SYT9: variants seen among roughly 807,000 people sequenced by gnomAD.
SYT9 encodes synaptotagmin-9.
A neutral mutation model predicts 48.4 loss-of-function variants in SYT9; 22 were observed. That is an observed-to-expected ratio of 0.45 (90% CI 0.32 to 0.65). The LOEUF is 0.65. Among genes scored for constraint, SYT9 ranks in the 30% least tolerant of loss-of-function variants. The probability of loss-of-function intolerance (pLI) is 0.03; values close to 1 mark genes in which losing one functional copy is unlikely to be tolerated. For synonymous variants in SYT9, 265 were observed against 245.0 expected (o/e 1.08, Z -0.76); for missense variants, 577 against 622.0 (o/e 0.93, Z 0.77).
At chr11:7,274,223 A>C (rs1469908445) in intron 1 of SYT9, among the ~76,000 whole-genome samples, 3 of 152,040 alleles carry the variant, frequency 2.0e-5, no homozygotes, top group African/African-American at 7.2e-5. Flanking sequence ...CCCCCTCATT[A>C]AGGCATTTCA....
At chr11:7,312,029 A>G (rs1849144333) in intron 2 of SYT9, among the ~76,000 whole-genome samples, 1 of 151,976 alleles carries the variant, frequency 6.6e-6, no homozygotes, top group Non-Finnish European at 1.5e-5. Context: ...CTCTCAGATC[A>G]CAAAGTTTTT....
At chr11:7,243,238 T>C (rs59700737) in intron 1 of SYT9, among the ~76,000 whole-genome samples, 2,922 of 152,290 alleles carry the variant, frequency 0.019, 78 homozygotes, top group African/African-American at 0.066. Flanking sequence ...AGCTTAAATA[T>C]GGAAATTAAG....
intron 1 of SYT9, among the ~76,000 whole-genome samples, chr11:7,276,936 C>G (rs546673713): frequency 1.3e-5 from 2 of 151,994 alleles, no homozygotes; most frequent in South Asian, 4.2e-4. Flanking sequence ...CGCCTGTAAT[C>G]CCAGCTACTC....
chr11:7,253,956 C>T (rs1375992452), intron 1 of SYT9, among the ~76,000 whole-genome samples: 2 of 152,324 alleles, frequency 1.3e-5, no homozygotes, highest in Admixed American at 6.5e-5. Context: ...TGTTATCCCA[C>T]ATAAGCAGTT....
intron 1 of SYT9, chr11:7,239,033 T>G: frequency 4.7e-6 from 2 of 426,242 alleles, no homozygotes; most frequent in Non-Finnish European, 9.5e-6. Context: ...TGACAGAACA[T>G]GGATATTGTT....
At chr11:7,389,912 G>C (rs1850731151) in intron 3 of SYT9, among the ~76,000 whole-genome samples, 2 of 152,092 alleles carry the variant, frequency 1.3e-5, no homozygotes, top group Non-Finnish European at 2.9e-5. Context: ...GATGTAAAAT[G>C]ATTCTGAAAT....
At chr11:7,364,660 G>A (rs1001150745) in intron 3 of SYT9, among the ~76,000 whole-genome samples, 2 of 152,204 alleles carry the variant, frequency 1.3e-5, no homozygotes, top group Admixed American at 6.5e-5. Flanking sequence ...TGGCTAGTTG[G>A]AAATTCTCTG....
chr11:7,344,191 C>T (rs1849760564), intron 3 of SYT9, among the ~76,000 whole-genome samples: 1 of 152,116 alleles, frequency 6.6e-6, no homozygotes, highest in Non-Finnish European at 1.5e-5. Flanking sequence ...TAATTTCCAC[C>T]AGGAGGAGGC....
chr11:7,335,506 C>T (rs1213116439), intron 3 of SYT9, among the ~76,000 whole-genome samples: 2 of 152,060 alleles, frequency 1.3e-5, no homozygotes, highest in Admixed American at 6.6e-5. Context: ...TTGCTGTTCC[C>T]CTCTTTGTGT....
Position 7,252,751 on chromosome 11 carries a change from G to C in SYT9, c.145+420G>C, listed in dbSNP as rs1354922. Among the ~76,000 whole-genome samples, 1 of 152,096 alleles carries C rather than the reference G, an allele frequency of 6.6e-6. No homozygotes were observed. Among genetic ancestry groups the C allele is most frequent in the Non-Finnish European group, 1.5e-5 (1 of 68,004 alleles). ...CTCTGGGAAGTTGGGAGTTGGGGAC[G>C]GCCCCGGGTTGGGGCCGAATCCCAC... On this transcript the variant is annotated intron_variant, in intron 1 of 6. Coordinates refer to ENST00000318881, the MANE Select transcript of SYT9 (RefSeq NM_175733.4). This position sits in a 1 kb window ranked among gnomAD's most constrained non-coding sequence, Gnocchi z 6.3.
intron 6 of SYT9, among the ~76,000 whole-genome samples, chr11:7,464,640 C>G (rs1451400215): frequency 6.6e-6 from 1 of 152,190 alleles, no homozygotes; most frequent in African/African-American, 2.4e-5. Context: ...TTCCAGACCA[C>G]ATTCATTGGT....
intron 6 of SYT9, among the ~76,000 whole-genome samples, chr11:7,442,287 G>T (rs1847842372): frequency 6.6e-6 from 1 of 152,162 alleles, no homozygotes; most frequent in African/African-American, 2.4e-5. Context: ...AGAGGGGCTG[G>T]AGAACACGTC....
In SYT9 at chr11:7,278,703, A is replaced by G. The variant is rs566328673; in HGVS notation, c.146-24336A>G. On this transcript the variant is annotated intron_variant, in intron 1 of 6. Coordinates refer to ENST00000318881, the MANE Select transcript of SYT9 (RefSeq NM_175733.4). Reference sequence around the variant, plus strand: ...AATAAAACTAGGTATAGTTTTAAGTAGCAAGATTCCGAGTAGCTTAAGAGG... The same window carrying G: ...AATAAAACTAGGTATAGTTTTAAGTGGCAAGATTCCGAGTAGCTTAAGAGG... Among the ~76,000 whole-genome samples the G allele has an allele frequency of 1.8e-3, 280 of 152,350 alleles. 2 individuals are homozygous for G. The highest frequency in any genetic ancestry group is 6.2e-3 in the African/African-American group (256 of 41,572).
chr11:7,266,991 T>C (rs1848196171), intron 1 of SYT9, among the ~76,000 whole-genome samples: 1 of 152,082 alleles, frequency 6.6e-6, no homozygotes, highest in Non-Finnish European at 1.5e-5. Context: ...GTTTTTAATC[T>C]TCTCTTTTTC....
chr11:7,397,789 C>T (rs1201514602), intron 3 of SYT9, among the ~76,000 whole-genome samples: 1 of 152,082 alleles, frequency 6.6e-6, no homozygotes. Context: ...AATTTTACTC[C>T]TCAATTATTT....
chr11:7,266,082 A>G (rs1422286291), intron 1 of SYT9, among the ~76,000 whole-genome samples: 1 of 152,160 alleles, frequency 6.6e-6, no homozygotes, highest in African/African-American at 2.4e-5. Flanking sequence ...CAAGTTAAAC[A>G]TATTTCCATT....
At chr11:7,299,450 C>T (rs1158050938) in intron 1 of SYT9, among the ~76,000 whole-genome samples, 1 of 152,140 alleles carries the variant, frequency 6.6e-6, no homozygotes, top group East Asian at 1.9e-4. Context: ...AGGCATTTCT[C>T]TCTGGACCAC....
upstream of SYT9, among the ~76,000 whole-genome samples, chr11:7,251,130 A>ACACACACACC (rs909728944): frequency 3.6e-4 from 46 of 127,332 alleles, no homozygotes; most frequent in African/African-American, 1.1e-3. Flanking sequence ...ACACACACAC[A>ACACACACACC]CACCCAGAGT....
At chr11:7,275,775 C>T (rs1468157698) in intron 1 of SYT9, among the ~76,000 whole-genome samples, 3 of 152,138 alleles carry the variant, frequency 2.0e-5, no homozygotes, top group African/African-American at 7.2e-5. Flanking sequence ...TTTCCACTTG[C>T]TGCTGTTCCT....
Sources: gnomAD v4.1 joint callset for allele counts (sites outside exome capture counted in the v4.1 genomes callset) on GRCh38, gnomAD v4.1.1 for gene constraint, Gnocchi (gnomAD v3.1) non-coding constraint, MANE v1.5 for transcripts, NCBI Gene and HGNC (gene_info 2026-07-23, HGNC 2026-07-21) for gene names.